Variants in MARCHF1 observed in about 807,000 individuals in gnomAD.
MARCHF1 encodes membrane associated ring-CH-type finger 1.
In MARCHF1, 40 loss-of-function variants were observed where a neutral mutation model predicts 54.2. The ratio of observed to expected loss-of-function variants is 0.74; its 90% CI spans 0.57 to 0.96. The LOEUF (loss-of-function observed/expected upper bound fraction) is 0.96, where lower values mean the gene tolerates loss of function less well. Ranked by LOEUF, MARCHF1 falls within the 40% of genes least tolerant of loss-of-function variation. MARCHF1 has a pLI of 0.00. For synonymous variants in MARCHF1, 236 were observed against 236.3 expected, an observed-to-expected ratio of 1.00 and a Z score of 0.01; for missense variants, 586 against 656.5, an observed-to-expected ratio of 0.89 and a Z score of 1.17.
rs538744279 is a variant in MARCHF1, at chr4:164,277,274, T to C, written c.-323+106596A>G. ...TGTATCACCAGGGGCTACAGCAATA[T>C]CTGACAAACAGTGGGCATGTAATGA... is the stretch of plus-strand genomic sequence containing the variant. On this transcript the variant is annotated intron_variant, in intron 1 of 9. Transcript: ENST00000514618. Among the ~76,000 whole-genome samples the C allele has an allele frequency of 1.4e-4, 22 of 152,254 alleles. No individual in the cohort carries two copies. In the South Asian group the frequency reaches 4.6e-3, roughly 32 times the overall value.
chr4:163,817,625 C>T (rs1373429380), intron 4 of MARCHF1, among the ~76,000 whole-genome samples: 1 of 151,900 alleles, frequency 6.6e-6, no homozygotes, highest in Admixed American at 6.6e-5. Flanking sequence ...TTCAATAGGA[C>T]AGTACCCAAA....
chr4:163,733,203 ATATATATATATATATATACACGTG>A (rs796652216), intron 4 of MARCHF1, among the ~76,000 whole-genome samples: 1,777 of 37,488 alleles, frequency 0.047, 89 homozygotes, highest in Non-Finnish European at 0.078. Context: ...ATATATATAT[ATATATATATATATATATACACGTG>A]TATATATATA....
intron 1 of MARCHF1, among the ~76,000 whole-genome samples, chr4:164,271,009 GA>G (rs1394186595): frequency 2.6e-5 from 4 of 152,062 alleles, no homozygotes; most frequent in African/African-American, 9.7e-5. Flanking sequence ...TTCATGAGTA[GA>G]AAAATAGACT....
intron 5 of MARCHF1, among the ~76,000 whole-genome samples, chr4:163,657,662 A>G (rs568082451): frequency 6.6e-6 from 1 of 152,246 alleles, no homozygotes; most frequent in African/African-American, 2.4e-5. Context: ...TTCAAACTAT[A>G]CTACAAGGCT....
At chr4:164,187,610 T>A (rs895525124) in intron 1 of MARCHF1, among the ~76,000 whole-genome samples, 10 of 152,168 alleles carry the variant, frequency 6.6e-5, no homozygotes, top group African/African-American at 2.4e-4. Context: ...TGACTGAATC[T>A]ATGGAAGCCT....
intron 4 of MARCHF1, among the ~76,000 whole-genome samples, chr4:163,720,884 C>T (rs1444629398): frequency 2.0e-5 from 3 of 152,174 alleles, no homozygotes; most frequent in Admixed American, 1.3e-4. Flanking sequence ...ATTTTGTATC[C>T]TGAGACTTTG....
intron 3 of MARCHF1, among the ~76,000 whole-genome samples, chr4:163,868,286 A>G (rs540358515): frequency 6.6e-6 from 1 of 152,070 alleles, no homozygotes; most frequent in East Asian, 1.9e-4. Context: ...AATGATGAAT[A>G]CTATTTTGCT....
At chr4:164,141,647 A>T (rs1046952395) in intron 1 of MARCHF1, among the ~76,000 whole-genome samples, 1 of 152,254 alleles carries the variant, frequency 6.6e-6, no homozygotes, top group African/African-American at 2.4e-5. Flanking sequence ...CTTTGGGGAA[A>T]ATGGCAACTT....
chr4:163,888,736 A>G (rs1218901195), intron 3 of MARCHF1, among the ~76,000 whole-genome samples: 5 of 152,178 alleles, frequency 3.3e-5, no homozygotes, highest in Non-Finnish European at 7.3e-5. Context: ...TCAGAAAAAC[A>G]GTTGGAAATT....
At chr4:164,257,807 A>C (rs1207032295) in intron 1 of MARCHF1, among the ~76,000 whole-genome samples, 3 of 152,160 alleles carry the variant, frequency 2.0e-5, no homozygotes, top group African/African-American at 7.2e-5. Context: ...GTCTCTACTA[A>C]AAATACAAAA....
chr4:163,716,469 C>G (rs1325829243), intron 4 of MARCHF1, among the ~76,000 whole-genome samples: 1 of 152,110 alleles, frequency 6.6e-6, no homozygotes, highest in African/African-American at 2.4e-5. Flanking sequence ...CCTGCAAACT[C>G]GACAAATTCA....
chr4:163,846,224 A>G (rs976578964), intron 4 of MARCHF1, among the ~76,000 whole-genome samples: 1 of 152,182 alleles, frequency 6.6e-6, no homozygotes, highest in South Asian at 2.1e-4. Context: ...GACTTGATTT[A>G]TTTTCAGAAT....
chr4:163,875,504 G>C (rs576765407), intron 3 of MARCHF1, among the ~76,000 whole-genome samples: 1 of 151,530 alleles, frequency 6.6e-6, no homozygotes, highest in Admixed American at 6.6e-5. Context: ...GCCACAACAT[G>C]CTATGAGAAC....
chr4:163,672,101 A>G (rs1366641160), intron 5 of MARCHF1, among the ~76,000 whole-genome samples: 1 of 152,160 alleles, frequency 6.6e-6, no homozygotes, highest in Non-Finnish European at 1.5e-5. Flanking sequence ...CCTAGTTTCA[A>G]ATGTGTCACA....
intron 1 of MARCHF1, among the ~76,000 whole-genome samples, chr4:164,232,224 G>C (rs1732432690): frequency 6.6e-6 from 1 of 151,958 alleles, no homozygotes; most frequent in African/African-American, 2.4e-5. Flanking sequence ...CCAAACAAAA[G>C]GGATTGCTAC....
chr4:163,952,305 A>G (rs1752149603), intron 3 of MARCHF1, among the ~76,000 whole-genome samples: 1 of 152,186 alleles, frequency 6.6e-6, no homozygotes, highest in South Asian at 2.1e-4. Context: ...AACCAAAGAC[A>G]TGTGAAATCT....
At chr4:164,229,840 T>C (rs2111176032) in intron 1 of MARCHF1, among the ~76,000 whole-genome samples, 1 of 152,244 alleles carries the variant, frequency 6.6e-6, no homozygotes, top group South Asian at 2.1e-4. Context: ...ACTCACTCAC[T>C]CTTGGGAGAA....
chr4:163,989,484 T>C (rs1752933644), intron 2 of MARCHF1, among the ~76,000 whole-genome samples: 1 of 152,158 alleles, frequency 6.6e-6, no homozygotes, highest in Non-Finnish European at 1.5e-5. Flanking sequence ...TATTGCAACT[T>C]CTGTGCTCCC....
At chr4:163,586,710 G>A (rs1164874574) in intron 7 of MARCHF1, among the ~76,000 whole-genome samples, 1 of 152,094 alleles carries the variant, frequency 6.6e-6, no homozygotes, top group Non-Finnish European at 1.5e-5. Flanking sequence ...ATATATAAAA[G>A]TTATGAGTTT....
Sources: gnomAD v4.1 joint callset for allele counts (sites outside exome capture counted in the v4.1 genomes callset) on GRCh38, gnomAD v4.1.1 for gene constraint, MANE v1.5 for transcripts, NCBI Gene and HGNC (gene_info 2026-07-23, HGNC 2026-07-21) for gene names.